MALRD1: variants seen among roughly 807,000 people sequenced by gnomAD.
The protein encoded by MALRD1 is MAM and LDL receptor class A domain containing 1, also known as MAM and LDL-receptor class A domain-containing protein 1.
A neutral mutation model predicts 242.1 loss-of-function variants in MALRD1; 247 were observed. That is an observed-to-expected ratio of 1.02 (90% CI 0.92 to 1.13). The LOEUF (loss-of-function observed/expected upper bound fraction) is 1.13. MALRD1 is among the 50% of genes most tolerant of loss of function. The pLI, the probability that MALRD1 is intolerant of heterozygous loss-of-function variation, is 0.00. For synonymous variants in MALRD1, 995 were observed against 866.6 expected, an observed-to-expected ratio of 1.15 and a Z score of -2.60; for missense variants, 2,989 against 2,533.1, an observed-to-expected ratio of 1.18 and a Z score of -3.86.
chr10:19,412,654 C>T (rs144861851), intron 28 of MALRD1, among the ~76,000 whole-genome samples: 537 of 152,310 alleles, frequency 3.5e-3, no homozygotes, highest in Middle Eastern at 6.8e-3. Flanking sequence ...CTTAAACACA[C>T]AGCCTCCTGC....
chr10:19,371,092 T>TTA (rs1554841451), intron 26 of MALRD1, among the ~76,000 whole-genome samples: 3 of 123,742 alleles, frequency 2.4e-5, no homozygotes, highest in African/African-American at 9.2e-5. Context: ...TCTACGAAAT[T>TTA]AAAAAAAAAA....
At chr10:19,409,635 T>C (rs1036830577) in intron 28 of MALRD1, among the ~76,000 whole-genome samples, 1 of 152,182 alleles carries the variant, frequency 6.6e-6, no homozygotes, top group African/African-American at 2.4e-5. Flanking sequence ...ATCCTAGTTA[T>C]GATATTGTAC....
intron 32 of MALRD1, among the ~76,000 whole-genome samples, chr10:19,536,313 C>G (rs149952814): frequency 6.6e-6 from 1 of 151,518 alleles, no homozygotes; most frequent in Non-Finnish European, 1.5e-5. Context: ...TTAGTTCCAG[C>G]TCCCATAGAA....
intron 26 of MALRD1, among the ~76,000 whole-genome samples, chr10:19,371,231 C>G (rs1845361834): frequency 6.6e-6 from 1 of 151,856 alleles, no homozygotes. Context: ...CCTGGGCAAC[C>G]CAGTGAGACC....
intron 38 of MALRD1, among the ~76,000 whole-genome samples, chr10:19,700,021 G>GACAC (rs58040272): frequency 0.033 from 4,624 of 141,206 alleles, 158 homozygotes; most frequent in African/African-American, 0.094. Context: ...AATTGATTTA[G>GACAC]ACACACACAC....
intron 38 of MALRD1, among the ~76,000 whole-genome samples, chr10:19,715,826 G>A (rs965614329): frequency 1.3e-5 from 2 of 152,096 alleles, no homozygotes; most frequent in African/African-American, 4.8e-5. Context: ...AGAGAGGGAG[G>A]AGGTGCCATG....
chr10:19,487,333 A>G (rs1409100113), intron 29 of MALRD1, among the ~76,000 whole-genome samples: 1 of 147,616 alleles, frequency 6.8e-6, no homozygotes, highest in African/African-American at 2.5e-5. Context: ...CTGTATTCTT[A>G]AAAAATATAC....
At chr10:19,335,243 G>T (rs1248267909) in intron 24 of MALRD1, among the ~76,000 whole-genome samples, 1 of 145,794 alleles carries the variant, frequency 6.9e-6, no homozygotes, top group African/African-American at 2.5e-5. Flanking sequence ...GGTAATATTA[G>T]AGCAACAAAG....
At chr10:19,554,346 G>A (rs1326113828) in intron 32 of MALRD1, among the ~76,000 whole-genome samples, 2 of 152,002 alleles carry the variant, frequency 1.3e-5, no homozygotes, top group Admixed American at 1.3e-4. Flanking sequence ...AGAGGTGGAG[G>A]GAGGAGGAGG....
At chr10:19,495,063 G>A (rs1397697165) in intron 30 of MALRD1, among the ~76,000 whole-genome samples, 3 of 150,852 alleles carry the variant, frequency 2.0e-5, no homozygotes, top group South Asian at 2.1e-4. Context: ...TGCAACCTCC[G>A]TCTCCCAGGT....
intron 10 of MALRD1, among the ~76,000 whole-genome samples, chr10:19,137,669 A>G (rs1833398041): frequency 6.6e-6 from 1 of 151,906 alleles, no homozygotes; most frequent in African/African-American, 2.4e-5. Flanking sequence ...TGGGAGGGCC[A>G]AAGTGCCCCA....
chr10:19,595,469 T>A lies in MALRD1; in HGVS notation c.5944+12T>A, dbSNP rs757888143. On this transcript the variant is annotated intron_variant, in intron 34 of 39. Coordinates refer to ENST00000454679, the MANE Select transcript of MALRD1 (RefSeq NM_001142308.3). ...TGAGCTCATCTGCTGTGAGTTATTT[T>A]CACTAACTCAATGTGTAAGGGAAGG... The A allele has an allele frequency of 1.3e-6, 2 of 1,544,542 alleles. No homozygotes were observed. The highest frequency in any genetic ancestry group is 2.4e-5 in the South Asian group (2 of 83,674).
intron 38 of MALRD1, among the ~76,000 whole-genome samples, chr10:19,702,368 G>A (rs1057031352): frequency 3.3e-5 from 5 of 152,028 alleles, no homozygotes; most frequent in East Asian, 1.9e-4. Context: ...CTATTCAACC[G>A]CACATATATT....
intron 24 of MALRD1, among the ~76,000 whole-genome samples, chr10:19,332,269 G>A (rs914113045): frequency 2.6e-5 from 4 of 150,950 alleles, no homozygotes; most frequent in Non-Finnish European, 4.4e-5. Flanking sequence ...GCATTTCAGA[G>A]GATTGTCATT....
chr10:19,381,187 AC>A (rs1161869980), intron 26 of MALRD1, among the ~76,000 whole-genome samples: 1 of 150,220 alleles, frequency 6.7e-6, no homozygotes, highest in Non-Finnish European at 1.5e-5. Flanking sequence ...GCAATAGTTT[AC>A]TGAGAATGAT....
chr10:19,576,080 T>G (rs995233539), intron 33 of MALRD1, among the ~76,000 whole-genome samples: 3 of 152,200 alleles, frequency 2.0e-5, no homozygotes, highest in African/African-American at 7.2e-5. Context: ...AATTCAGAAG[T>G]AAGGCTAAGA....
intron 13 of MALRD1, among the ~76,000 whole-genome samples, chr10:19,169,063 A>C (rs1381887832): frequency 6.6e-6 from 1 of 152,212 alleles, no homozygotes; most frequent in Non-Finnish European, 1.5e-5. Context: ...TTTGGAAAGC[A>C]ATAAGCTTTT....
At chr10:19,256,590 T>C (rs768090717) in intron 18 of MALRD1, among the ~76,000 whole-genome samples, 19 of 152,174 alleles carry the variant, frequency 1.2e-4, no homozygotes, top group Admixed American at 7.9e-4. Context: ...ACTAGTTCTA[T>C]GCAGAAACAT....
intron 21 of MALRD1, among the ~76,000 whole-genome samples, chr10:19,289,191 A>G (rs1841288308): frequency 6.6e-6 from 1 of 152,180 alleles, no homozygotes; most frequent in African/African-American, 2.4e-5. Context: ...TAAGTCCATT[A>G]AGAAAAGGTG....
Sources: gnomAD v4.1 joint callset for allele counts (sites outside exome capture counted in the v4.1 genomes callset) on GRCh38, gnomAD v4.1.1 for gene constraint, MANE v1.5 for transcripts, NCBI Gene and HGNC (gene_info 2026-07-23, HGNC 2026-07-21) for gene names.